The following HTR7 variants were observed in gnomAD, a reference collection of about 807,000 sequenced individuals.
The protein encoded by HTR7 is 5-hydroxytryptamine receptor 7.
In HTR7, 16 loss-of-function variants were observed where a neutral mutation model predicts 34.0. The ratio of observed to expected loss-of-function variants is 0.47; its 90% CI spans 0.32 to 0.71. The LOEUF (loss-of-function observed/expected upper bound fraction) is 0.71, where lower values mean the gene tolerates loss of function less well. HTR7 is among the 30% of genes least tolerant of loss of function. HTR7 has a pLI of 0.04. For synonymous variants in HTR7, 265 were observed against 260.2 expected (o/e 1.02, Z -0.18); for missense variants, 504 against 625.5 (o/e 0.81, Z 2.07).
At chr10:90,821,616 T>G (rs1845982194) in intron 1 of HTR7, among the ~76,000 whole-genome samples, 1 of 152,160 alleles carries the variant, frequency 6.6e-6, no homozygotes, top group Non-Finnish European at 1.5e-5. Flanking sequence ...TCAAGGCCAG[T>G]GGACTTCGGG....
At chr10:90,763,754 T>C (rs1844975511) in intron 1 of HTR7, among the ~76,000 whole-genome samples, 1 of 152,224 alleles carries the variant, frequency 6.6e-6, no homozygotes, top group African/African-American at 2.4e-5. Context: ...CTGAGGATGA[T>C]GGCTTCCAGC....
chr10:90,768,463 A>G (rs571377642), intron 1 of HTR7, among the ~76,000 whole-genome samples: 1 of 152,300 alleles, frequency 6.6e-6, no homozygotes, highest in African/African-American at 2.4e-5. Context: ...TCCAATATGT[A>G]TCACTTTTAT....
intron 1 of HTR7, among the ~76,000 whole-genome samples, chr10:90,824,637 A>G (rs55825861): frequency 9.4e-4 from 143 of 152,330 alleles, no homozygotes; most frequent in Admixed American, 2.7e-3. Flanking sequence ...AGAGGGGAAC[A>G]TATTTCCCTG....
intron 1 of HTR7, among the ~76,000 whole-genome samples, chr10:90,795,686 C>T (rs948524481): frequency 6.6e-6 from 1 of 152,168 alleles, no homozygotes; most frequent in African/African-American, 2.4e-5. Context: ...ACATCCATGA[C>T]ACAGCCTCAG....
chr10:90,788,240 T>A (rs1845411035), intron 1 of HTR7, among the ~76,000 whole-genome samples: 1 of 152,162 alleles, frequency 6.6e-6, no homozygotes, highest in African/African-American at 2.4e-5. Context: ...ACAGCTGATC[T>A]GATAACCCCC....
intron 1 of HTR7, among the ~76,000 whole-genome samples, chr10:90,787,139 T>C (rs996861206): frequency 2.6e-5 from 4 of 152,104 alleles, no homozygotes; most frequent in Non-Finnish European, 4.4e-5. Context: ...ATTCAACATA[T>C]TTACTAAAGA....
At chr10:90,765,063 T>C (rs1202607511) in intron 1 of HTR7, among the ~76,000 whole-genome samples, 1 of 152,164 alleles carries the variant, frequency 6.6e-6, no homozygotes, top group Non-Finnish European at 1.5e-5. Context: ...TTTGGAAGTG[T>C]TCCTTCCTGT....
At chr10:90,786,150 G>C (rs115055043) in intron 1 of HTR7, among the ~76,000 whole-genome samples, 1 of 152,202 alleles carries the variant, frequency 6.6e-6, no homozygotes, top group African/African-American at 2.4e-5. Flanking sequence ...ATTTAGAAGA[G>C]CAGGCAGATT....
chr10:90,816,798 G>A (rs1845904527), intron 1 of HTR7, among the ~76,000 whole-genome samples: 1 of 152,112 alleles, frequency 6.6e-6, no homozygotes, highest in Admixed American at 6.5e-5. Context: ...TCTAAGCCCG[G>A]GGACTATCAT....
intron 1 of HTR7, among the ~76,000 whole-genome samples, chr10:90,799,338 CATGAATGAATGA>C (rs113835217): frequency 0.3 from 45,201 of 150,428 alleles, 6,918 homozygotes; most frequent in African/African-American, 0.35. Context: ...GCCGGCTCTG[CATGAATGAATGA>C]ATGAATGAAT....
chr10:90,749,199 T>G lies in HTR7; in HGVS notation c.935A>C (p.Glu312Ala). The part of the protein sequence containing the change: ...CANLSRLLKH[E>A]RKNISIFKRE... The stretch of plus-strand genomic sequence containing the variant: ...CTTAAAGATGGAGATGTTTTTCCTT[T>G]CATGCTTGAGGAGTCTCGAAAGGTT... Residue 312 changes from glutamate to alanine, a missense_variant, in exon 2 of 4, where the codon GAA becomes GCA. Transcript: ENST00000336152. This position sits in a 1 kb window ranked among gnomAD's most constrained non-coding sequence, Gnocchi z 4.2. 3 of 1,614,096 alleles carry G rather than the reference T, an allele frequency of 1.9e-6. No individual in the cohort carries two copies. Among genetic ancestry groups the G allele is most frequent in the Non-Finnish European group, 2.5e-6 (3 of 1,180,020 alleles).
intron 1 of HTR7, among the ~76,000 whole-genome samples, chr10:90,831,613 T>G (rs1846180773): frequency 6.6e-6 from 1 of 152,226 alleles, no homozygotes; most frequent in South Asian, 2.1e-4. Flanking sequence ...TTTTATTCTC[T>G]TATCTGGCTC....
chr10:90,808,938 G>T (rs185650479), intron 1 of HTR7, among the ~76,000 whole-genome samples: 2 of 152,122 alleles, frequency 1.3e-5, no homozygotes, highest in South Asian at 2.1e-4. Context: ...GGTCTGAGGT[G>T]CCTGACGTCC....
At chr10:90,797,339 T>A (rs1845556448) in intron 1 of HTR7, among the ~76,000 whole-genome samples, 1 of 152,238 alleles carries the variant, frequency 6.6e-6, no homozygotes, top group Non-Finnish European at 1.5e-5. Context: ...TGTATTCCTG[T>A]TTTAATATGT....
intron 1 of HTR7, among the ~76,000 whole-genome samples, chr10:90,836,795 C>G (rs1197338518): frequency 6.6e-6 from 1 of 152,072 alleles, no homozygotes; most frequent in Admixed American, 6.5e-5. Flanking sequence ...CAGGCATGAG[C>G]CACCATGTTC....
chr10:90,792,509 T>G (rs1433110018), intron 1 of HTR7, among the ~76,000 whole-genome samples: 3 of 152,118 alleles, frequency 2.0e-5, no homozygotes, highest in Non-Finnish European at 4.4e-5. Context: ...ATATTTCAAC[T>G]GTACATTATA....
chr10:90,770,434 G>A (rs947446582), intron 1 of HTR7, among the ~76,000 whole-genome samples: 5 of 152,102 alleles, frequency 3.3e-5, no homozygotes, highest in Non-Finnish European at 5.9e-5. Context: ...TGGAGAGGGC[G>A]GGGCTCCCAC....
intron 1 of HTR7, among the ~76,000 whole-genome samples, chr10:90,752,799 G>A (rs1381350743): frequency 2.0e-5 from 3 of 152,130 alleles, no homozygotes; most frequent in Non-Finnish European, 1.5e-5. Context: ...AGCAATTGAG[G>A]TAAAAGTATT....
At chr10:90,770,054 C>T (rs1845082987) in intron 1 of HTR7, among the ~76,000 whole-genome samples, 1 of 152,236 alleles carries the variant, frequency 6.6e-6, no homozygotes, top group Non-Finnish European at 1.5e-5. Context: ...CTGCACCCAC[C>T]CTTGCGCAGC....
Sources: gnomAD v4.1 joint callset for allele counts (sites outside exome capture counted in the v4.1 genomes callset) on GRCh38, gnomAD v4.1.1 for gene constraint, Gnocchi (gnomAD v3.1) non-coding constraint, MANE v1.5 for transcripts, NCBI Gene and HGNC (gene_info 2026-07-23, HGNC 2026-07-21) for gene names.